Variants in ERBB4 observed in about 807,000 individuals in gnomAD.
ERBB4 encodes erb-b2 receptor tyrosine kinase 4, also known as receptor tyrosine-protein kinase erbB-4.
Under a neutral mutation model 158.0 loss-of-function variants are expected in ERBB4, and 42 were observed. That is an observed-to-expected ratio of 0.27 (90% CI 0.21 to 0.34). ERBB4 has a LOEUF of 0.34. ERBB4 is among the 10% of genes least tolerant of loss of function. The probability of loss-of-function intolerance (pLI) is 1.00; values close to 1 mark genes in which losing one functional copy is unlikely to be tolerated. For synonymous variants in ERBB4, 583 were observed against 558.7 expected, an observed-to-expected ratio of 1.04 and a Z score of -0.61; for missense variants, 1,333 against 1,624.1, an observed-to-expected ratio of 0.82 and a Z score of 3.08.
chr2:211,726,503 A>G (rs1483065056), intron 5 of ERBB4, among the ~76,000 whole-genome samples: 1 of 152,130 alleles, frequency 6.6e-6, no homozygotes, highest in African/African-American at 2.4e-5. Flanking sequence ...GAAGCACCAT[A>G]TATCCAGTAG....
chr2:211,482,859 C>G (rs563143597), intron 20 of ERBB4, among the ~76,000 whole-genome samples: 1 of 151,982 alleles, frequency 6.6e-6, no homozygotes, highest in Non-Finnish European at 1.5e-5. Flanking sequence ...GAGCCAAGAT[C>G]GCACTATTGC....
chr2:211,606,617 A>G (rs1206953389), intron 19 of ERBB4, among the ~76,000 whole-genome samples: 1 of 152,144 alleles, frequency 6.6e-6, no homozygotes, highest in Non-Finnish European at 1.5e-5. Flanking sequence ...GTACAAGTGA[A>G]AAGAATAACA....
At chr2:212,313,737 G>A (rs1386708478) in intron 1 of ERBB4, among the ~76,000 whole-genome samples, 2 of 150,850 alleles carry the variant, frequency 1.3e-5, no homozygotes, top group Admixed American at 6.6e-5. Flanking sequence ...ATTATTCATT[G>A]AGTGAATTTT....
rs565192500 is a variant in ERBB4, at chr2:211,643,056, A to C, written c.1947-12462T>G. On this transcript the variant is annotated intron_variant, in intron 16 of 27. Transcript: ENST00000342788. ...TTAGTTTAGTTTATCCCTCACCCTCACCACACTGCGTCCAAGTCCCAGGCT... is the reference window on the plus strand; with the variant it reads ...TTAGTTTAGTTTATCCCTCACCCTCCCCACACTGCGTCCAAGTCCCAGGCT... Among the ~76,000 whole-genome samples the C allele has an allele frequency of 5.1e-4, 77 of 152,166 alleles. 1 individual carries two copies. The highest frequency in any genetic ancestry group is 1.9e-3 in the South Asian group (9 of 4,832).
rs1045369467 is a variant in ERBB4 at position 211,460,435 on chromosome 2, G to A, written c.2488-29335C>T. ...ACCTTAACCAGCCTCTGCATTACTA[G>A]AGCATTAATTTCTTAGAGTGGGTTA... On this transcript the variant is annotated intron_variant, in intron 20 of 27. Transcript: ENST00000342788. 1.3e-3 allele frequency among the ~76,000 whole-genome samples: 200 copies of A among 152,136 alleles called. 2 individuals are homozygous for A. The highest frequency in any genetic ancestry group is 4.7e-3 in the African/African-American group (196 of 41,512).
At chr2:211,779,188 T>A (rs2106295105) in intron 4 of ERBB4, 1 of 152,282 alleles carries the variant, frequency 6.6e-6, no homozygotes, top group South Asian at 2.1e-4. Flanking sequence ...GGCATCAAGG[T>A]CTTTAGCTGA....
intron 3 of ERBB4, among the ~76,000 whole-genome samples, chr2:211,838,755 A>G (rs1374682415): frequency 6.6e-6 from 1 of 152,146 alleles, no homozygotes; most frequent in Non-Finnish European, 1.5e-5. Context: ...AAATAATTCC[A>G]GAAACACAAT....
At chr2:211,491,191 G>C (rs922106092) in intron 20 of ERBB4, among the ~76,000 whole-genome samples, 2 of 152,118 alleles carry the variant, frequency 1.3e-5, no homozygotes, top group African/African-American at 4.8e-5. Context: ...GAAATTTATT[G>C]TAAGGGATTT....
chr2:212,522,732 C>G (rs1249677253), intron 1 of ERBB4, among the ~76,000 whole-genome samples: 1 of 151,934 alleles, frequency 6.6e-6, no homozygotes, highest in African/African-American at 2.4e-5. Context: ...CAATAATAGC[C>G]AAATTGATTG....
In ERBB4 at chr2:211,381,084, G is replaced by T; in HGVS notation, c.*2531C>A. ...CCTTTTCCTAGAGACTTCTCTGAAT[G>T]GATAGGAGAGCCCTGAGCTATTAGA... On this transcript the variant is annotated 3_prime_UTR_variant, in exon 28 of 28. Transcript: ENST00000342788. 4.3e-6 allele frequency: 1 copy of T among 232,448 alleles called. No individual in the cohort carries two copies. The allele number at this position is 232,448 out of a possible 1,614,324, so 14.4% of individuals were successfully genotyped here. A position where few individuals can be genotyped will look rare whatever the true frequency, so the allele number is the denominator to read the frequency against.
At chr2:212,414,046 T>A (rs1414951540) in intron 1 of ERBB4, among the ~76,000 whole-genome samples, 1 of 152,166 alleles carries the variant, frequency 6.6e-6, no homozygotes, top group Non-Finnish European at 1.5e-5. Flanking sequence ...AATTGCCCCA[T>A]TAAGTGGTAC....
chr2:211,823,001 G>C (rs2077026823), intron 3 of ERBB4, among the ~76,000 whole-genome samples: 1 of 151,940 alleles, frequency 6.6e-6, no homozygotes, highest in Non-Finnish European at 1.5e-5. Flanking sequence ...AACTTCCAAT[G>C]CTGTTACAAC....
chr2:212,530,616 G>A (rs903219111), intron 1 of ERBB4, among the ~76,000 whole-genome samples: 1 of 152,158 alleles, frequency 6.6e-6, no homozygotes, highest in African/African-American at 2.4e-5. Context: ...ACAGAGCCTG[G>A]AGAATCTGTT....
Position 212,350,801 on chromosome 2 carries a change from G to A in ERBB4, c.82+187648C>T, listed in dbSNP as rs531999745. On this transcript the variant is annotated intron_variant, in intron 1 of 27. Coordinates refer to ENST00000342788, the MANE Select transcript of ERBB4 (RefSeq NM_005235.3). ...AGGTGACAAATTCAAAATAAAGACT[G>A]TAAAATAATAAAAAAAATGCACATT... 2.3e-4 allele frequency among the ~76,000 whole-genome samples: 17 copies of A among 73,406 alleles called. No homozygotes were observed. In the Admixed American group the frequency reaches 2.8e-3, roughly 12 times the overall value. The allele number at this position is 73,406 out of a possible 152,430, so 48.2% of individuals were successfully genotyped here.
intron 2 of ERBB4, among the ~76,000 whole-genome samples, chr2:212,031,632 G>A (rs777652301): frequency 8.5e-5 from 13 of 152,130 alleles, no homozygotes; most frequent in Admixed American, 2.0e-4. Context: ...TGATGTGGAC[G>A]ATTTCATTTT....
intron 1 of ERBB4, among the ~76,000 whole-genome samples, chr2:212,358,165 A>G (rs1008528547): frequency 6.6e-6 from 1 of 151,860 alleles, no homozygotes; most frequent in Non-Finnish European, 1.5e-5. Flanking sequence ...ACATTTTTTT[A>G]AAAAGAACTA....
chr2:211,897,681 C>CT (rs1559625369), intron 3 of ERBB4, among the ~76,000 whole-genome samples: 1 of 151,878 alleles, frequency 6.6e-6, no homozygotes, highest in Admixed American at 6.6e-5. Flanking sequence ...CTTTTATCTA[C>CT]TTTTTTTGTT....
intron 5 of ERBB4, among the ~76,000 whole-genome samples, chr2:211,735,645 C>T (rs2074575869): frequency 6.6e-6 from 1 of 151,586 alleles, no homozygotes; most frequent in African/African-American, 2.4e-5. Context: ...AATCTCAGAC[C>T]CAGAGAGGGC....
At chr2:211,638,613 C>G (rs2125889066) in intron 16 of ERBB4, among the ~76,000 whole-genome samples, 1 of 152,270 alleles carries the variant, frequency 6.6e-6, no homozygotes, top group African/African-American at 2.4e-5. Context: ...TCAGAACGTA[C>G]TGTCCCCCTT....
Sources: allele counts gnomAD v4.1 joint callset (sites outside exome capture counted in the v4.1 genomes callset), GRCh38; gene constraint gnomAD v4.1.1; transcripts MANE v1.5; gene names NCBI Gene and HGNC (gene_info 2026-07-23, HGNC 2026-07-21).